Variants in PRKCE observed in about 807,000 individuals in gnomAD.
PRKCE encodes the protein protein kinase C epsilon type.
Under a neutral mutation model 85.4 loss-of-function variants are expected in PRKCE, and 16 were observed. The observed-to-expected ratio is 0.19, with a 90% CI of 0.13 to 0.28. The LOEUF is 0.28. PRKCE is among the 10% of genes least tolerant of loss of function. PRKCE has a pLI of 1.00. For synonymous variants in PRKCE, 388 were observed against 371.5 expected (o/e 1.04, Z -0.51); for missense variants, 573 against 975.2 (o/e 0.59, Z 5.49).
intron 11 of PRKCE, among the ~76,000 whole-genome samples, chr2:46,132,991 C>T (rs1255892903): frequency 6.6e-6 from 1 of 152,136 alleles, no homozygotes. Flanking sequence ...TTCCTCAGCT[C>T]TTTATCTGGG....
At chr2:46,062,589 G>C (rs541741449) in intron 10 of PRKCE, among the ~76,000 whole-genome samples, 28 of 145,212 alleles carry the variant, frequency 1.9e-4, no homozygotes, top group African/African-American at 6.9e-4. Flanking sequence ...TGCTTTCTGT[G>C]TTTATGCATT....
rs542973151 is a variant in PRKCE, at chr2:46,107,353, A to G, written c.1592+20991A>G. ...AGCTCATTTCTTCTTATTTTTAAAT[A>G]ATATTCCGGCCGGGCACGGTGGCTC... On this transcript the variant is annotated intron_variant, in intron 11 of 14. Transcript: ENST00000306156. Among the ~76,000 whole-genome samples, 379 of 152,280 alleles carry G rather than the reference A, an allele frequency of 2.5e-3. 2 individuals carry two copies. The highest frequency in any genetic ancestry group is 8.6e-3 in the African/African-American group (359 of 41,566).
chr2:46,040,789 T>C (rs1030435981), intron 10 of PRKCE, among the ~76,000 whole-genome samples: 2 of 152,252 alleles, frequency 1.3e-5, no homozygotes, highest in Non-Finnish European at 1.5e-5. Flanking sequence ...GAGCAGGCAG[T>C]GCTAAAGACT....
At chr2:46,012,796 A>T (rs35442838) in intron 10 of PRKCE, among the ~76,000 whole-genome samples, 93,848 of 152,060 alleles carry the variant, frequency 0.62, 29,164 homozygotes, top group Middle Eastern at 0.74. Context: ...TTGTAGAATA[A>T]CAAGGCTAAG....
At chr2:46,020,241 G>A (rs558574854) in intron 10 of PRKCE, among the ~76,000 whole-genome samples, 4 of 152,132 alleles carry the variant, frequency 2.6e-5, no homozygotes, top group African/African-American at 7.2e-5. Context: ...CCCAGTATGC[G>A]CTATTAGAGG....
intron 1 of PRKCE, among the ~76,000 whole-genome samples, chr2:45,803,363 T>C (rs1369176420): frequency 1.3e-5 from 2 of 152,244 alleles, no homozygotes; most frequent in African/African-American, 2.4e-5. Flanking sequence ...TTGAGCATCA[T>C]AGGCGCTGGT....
intron 10 of PRKCE, among the ~76,000 whole-genome samples, chr2:46,063,652 C>G (rs543688436): frequency 3.9e-4 from 59 of 152,118 alleles, no homozygotes; most frequent in Non-Finnish European, 5.9e-4. Context: ...GTCAAGCATG[C>G]TCCCAGGGCA....
chr2:45,698,620 GA>G (rs1678352332), intron 1 of PRKCE, among the ~76,000 whole-genome samples: 2 of 152,130 alleles, frequency 1.3e-5, no homozygotes, highest in Admixed American at 1.3e-4. Flanking sequence ...GAGAGGAAGA[GA>G]GGGGGAGGGG....
intron 1 of PRKCE, among the ~76,000 whole-genome samples, chr2:45,807,550 A>G (rs1381503305): frequency 2.6e-5 from 4 of 152,260 alleles, no homozygotes; most frequent in African/African-American, 7.2e-5. Flanking sequence ...GGAGACGAGC[A>G]GAGTGCAAAT....
intron 1 of PRKCE, among the ~76,000 whole-genome samples, chr2:45,835,995 T>G (rs922837833): frequency 1.3e-5 from 2 of 152,246 alleles, no homozygotes; most frequent in African/African-American, 4.8e-5. Context: ...TTTCCAGTTT[T>G]GGGCTGTTAG....
At chr2:45,856,978 T>C (rs1393447511) in intron 2 of PRKCE, among the ~76,000 whole-genome samples, 1 of 152,246 alleles carries the variant, frequency 6.6e-6, no homozygotes, top group Non-Finnish European at 1.5e-5. Context: ...GTTGATTCCA[T>C]ATCTTGGCTG....
Position 46,184,602 on chromosome 2 carries a change from C to G in PRKCE, c.2068-133C>G. On this transcript the variant is annotated intron_variant, in intron 14 of 14. Coordinates refer to ENST00000306156, the MANE Select transcript of PRKCE (RefSeq NM_005400.3). The surrounding 1 kb of genome is among the most constrained non-coding windows in gnomAD (Gnocchi z 5.0). ...CCATCGTTACCTCATCGGGACAGCC[C>G]CGTGTCTGCTGTCTGTTGGTAGCTA... The G allele has an allele frequency of 8.8e-7, 1 of 1,137,760 alleles. No individual in the cohort carries two copies. The highest frequency in any genetic ancestry group is 1.5e-5 in the South Asian group (1 of 67,382). 70.5% of individuals were successfully genotyped at this position (1,137,760 alleles called of 1,614,324 possible).
intron 11 of PRKCE, among the ~76,000 whole-genome samples, chr2:46,115,507 C>G (rs1672682804): frequency 3.9e-5 from 6 of 152,180 alleles, no homozygotes. Context: ...CCCAGAAGCC[C>G]CATTTCTCTT....
chr2:45,740,754 C>A (rs1009561894), intron 1 of PRKCE, among the ~76,000 whole-genome samples: 1 of 152,228 alleles, frequency 6.6e-6, no homozygotes, highest in Non-Finnish European at 1.5e-5. Flanking sequence ...ACTACACTCC[C>A]AAATGTTTCA....
chr2:46,128,472 G>C (rs116235257), intron 11 of PRKCE, among the ~76,000 whole-genome samples: 360 of 152,332 alleles, frequency 2.4e-3, no homozygotes, highest in African/African-American at 8.3e-3. Flanking sequence ...CATTTTATGG[G>C]TTAGGAACCT....
intron 14 of PRKCE, among the ~76,000 whole-genome samples, chr2:46,173,225 G>GT (rs1316033832): frequency 2.6e-5 from 4 of 152,208 alleles, no homozygotes; most frequent in African/African-American, 9.7e-5. Context: ...TCAAACATCA[G>GT]TGCCCATAAA....
At chr2:46,088,844 G>C (rs1249364435) in intron 11 of PRKCE, among the ~76,000 whole-genome samples, 1 of 152,124 alleles carries the variant, frequency 6.6e-6, no homozygotes, top group African/African-American at 2.4e-5. Context: ...TCAATTTAAG[G>C]AATGTGTCCA....
rs542370946 is a variant in PRKCE at position 45,759,405 on chromosome 2, A to G, written c.349-83595A>G. On this transcript the variant is annotated intron_variant, in intron 1 of 14. Transcript: ENST00000306156. ...CCAGCCAGATGGCTCCGATTTATCC[A>G]TGTCGGTGCAGGGCTGGAGAACGAG... is the stretch of plus-strand genomic sequence containing the variant. Among the ~76,000 whole-genome samples, 12 of 152,200 alleles carry G rather than the reference A, an allele frequency of 7.9e-5. No homozygotes were observed. The East Asian group carries it at 2.3e-3, about 29-fold the overall frequency.
At chr2:46,077,605 AG>A (rs1261735142) in intron 10 of PRKCE, among the ~76,000 whole-genome samples, 5 of 152,218 alleles carry the variant, frequency 3.3e-5, no homozygotes, top group Non-Finnish European at 7.3e-5. Context: ...GGGAGTTAGC[AG>A]GGGGTGAAGG....
Sources: allele counts gnomAD v4.1 joint callset (sites outside exome capture counted in the v4.1 genomes callset), GRCh38; gene constraint gnomAD v4.1.1; non-coding constraint Gnocchi (gnomAD v3.1); transcripts MANE v1.5; gene names NCBI Gene and HGNC (gene_info 2026-07-23, HGNC 2026-07-21).